RIMS2: variants seen among roughly 807,000 people sequenced by gnomAD.
RIMS2 encodes regulating synaptic membrane exocytosis 2, also known as regulating synaptic membrane exocytosis protein 2.
A neutral mutation model predicts 174.4 loss-of-function variants in RIMS2; 59 were observed. That is an observed-to-expected ratio of 0.34 (90% CI 0.27 to 0.42). The LOEUF (loss-of-function observed/expected upper bound fraction) is 0.42, where lower values mean the gene tolerates loss of function less well. Ranked by LOEUF, RIMS2 falls within the 10% of genes least tolerant of loss-of-function variation. The pLI, the probability that RIMS2 is intolerant of heterozygous loss-of-function variation, is 1.00. For synonymous variants in RIMS2, 606 were observed against 572.5 expected (o/e 1.06, Z -0.84); for missense variants, 1,620 against 1,666.3 (o/e 0.97, Z 0.48).
At chr8:103,931,378 T>C in exon 12 of RIMS2, 6 of 1,597,592 alleles carry the variant, frequency 3.8e-6, no homozygotes, top group Non-Finnish European at 5.1e-6. Flanking sequence ...AAAATTTACT[T>C]TCTTCCAGAC....
chr8:103,915,631 T>C (rs2076504930), intron 7 of RIMS2, 37 bp downstream of exon 10: 1 of 1,093,218 alleles, frequency 9.1e-7, no homozygotes, highest in Non-Finnish European at 1.4e-6. Context: ...ATTTAAACCA[T>C]TCAACTTTAG....
chr8:103,813,450 C>T (rs969442789), intron 3 of RIMS2, among the ~76,000 whole-genome samples: 6 of 136,498 alleles, frequency 4.4e-5, no homozygotes, highest in African/African-American at 1.1e-4. Flanking sequence ...ATGTGCACAA[C>T]GTGCAGGTTT....
chr8:103,769,518 G>A (rs536163009), intron 3 of RIMS2, among the ~76,000 whole-genome samples: 1 of 152,178 alleles, frequency 6.6e-6, no homozygotes, highest in Admixed American at 6.5e-5. Context: ...TAGAGACAGG[G>A]TCTCACCATG....
intron 2 of RIMS2, among the ~76,000 whole-genome samples, chr8:103,764,980 A>G (rs973854276): frequency 2.6e-5 from 4 of 152,170 alleles, no homozygotes; most frequent in African/African-American, 9.7e-5. Flanking sequence ...GATCTGTACA[A>G]ACTATGAAAT....
At chr8:103,998,017 A>G (rs1170151616) in intron 17 of RIMS2, among the ~76,000 whole-genome samples, 1 of 151,682 alleles carries the variant, frequency 6.6e-6, no homozygotes, top group East Asian at 1.9e-4. Context: ...GCACTGTCAT[A>G]TTACAGTGAA....
chr8:103,585,534 A>G (rs2133049201), intron 1 of RIMS2, among the ~76,000 whole-genome samples: 1 of 152,336 alleles, frequency 6.6e-6, no homozygotes. Context: ...CATATATACC[A>G]TAGAATACTA....
chr8:103,673,620 TGTCTTGAGGTGGCAC>T (rs2096773241), intron 1 of RIMS2, among the ~76,000 whole-genome samples: 1 of 152,192 alleles, frequency 6.6e-6, no homozygotes, highest in Non-Finnish European at 1.5e-5. Flanking sequence ...CCAGGTGCCA[TGTCTTGAGGTGGCAC>T]AGGGTAGTGG....
chr8:103,853,029 A>T (rs748194579), intron 3 of RIMS2, among the ~76,000 whole-genome samples: 1 of 152,132 alleles, frequency 6.6e-6, no homozygotes. Flanking sequence ...CCAACAGTGT[A>T]TAAGTGTTCC....
At chr8:103,952,508 C>G (rs1213850983) in intron 14 of RIMS2, among the ~76,000 whole-genome samples, 6 of 152,134 alleles carry the variant, frequency 3.9e-5, no homozygotes, top group Admixed American at 6.5e-5. Context: ...AGCAGACCTG[C>G]AGCAGAGGAG....
intron 16 of RIMS2, among the ~76,000 whole-genome samples, chr8:103,982,618 T>A (rs944110157): frequency 6.6e-6 from 1 of 152,242 alleles, no homozygotes; most frequent in Admixed American, 6.5e-5. Flanking sequence ...ATTAATGTGA[T>A]ATATCATATC....
intron 19 of RIMS2, among the ~76,000 whole-genome samples, chr8:104,203,833 T>TA (rs2099067255): frequency 6.6e-6 from 1 of 152,170 alleles, no homozygotes. Flanking sequence ...TTACACTAAA[T>TA]AAAACAATTG....
chr8:103,708,232 A>G (rs1218798790), intron 2 of RIMS2, among the ~76,000 whole-genome samples: 1 of 152,198 alleles, frequency 6.6e-6, no homozygotes, highest in Admixed American at 6.5e-5. Flanking sequence ...CCTGTGGTGA[A>G]GTGGACCGGG....
At chr8:103,763,297 G>T (rs775188519) in intron 2 of RIMS2, among the ~76,000 whole-genome samples, 1 of 152,044 alleles carries the variant, frequency 6.6e-6, no homozygotes, top group African/African-American at 2.4e-5. Flanking sequence ...ATTAGCTGGC[G>T]TGGTGGCACA....
chr8:104,164,312 C>A (rs1014164327), intron 19 of RIMS2, among the ~76,000 whole-genome samples: 1 of 152,054 alleles, frequency 6.6e-6, no homozygotes, highest in African/African-American at 2.4e-5. Flanking sequence ...TGATAAAGTT[C>A]TGCTTCAACA....
At position 104,187,599 on chromosome 8, in the gene RIMS2, C is replaced by T. The variant is rs149630874; in HGVS notation, c.3335-57317C>T. ...ACTAAATCTCTTCCAACATTAAAAG[C>T]AACACACTTGTATTTCTTAAAGTTG... On this transcript the variant is annotated intron_variant, in intron 19 of 23. Transcript: ENST00000504942. Among the ~76,000 whole-genome samples, 531 of 151,840 alleles carry T rather than the reference C, an allele frequency of 3.5e-3. 3 individuals carry two copies. Among genetic ancestry groups the T allele is most frequent in the African/African-American group, 0.012 (508 of 41,494 alleles).
intron 16 of RIMS2, 172 bp downstream of exon 18, chr8:103,975,678 G>A (rs2093352451): frequency 7.7e-6 from 4 of 518,528 alleles, no homozygotes; most frequent in Non-Finnish European, 1.4e-5. Context: ...CTGGGGAAGG[G>A]AGAAGCCAGT....
intron 3 of RIMS2, among the ~76,000 whole-genome samples, chr8:103,844,512 C>T (rs1200816194): frequency 6.6e-6 from 1 of 152,068 alleles, no homozygotes; most frequent in Non-Finnish European, 1.5e-5. Context: ...TGTATTTAGT[C>T]TTAGTTTTCA....
rs371347411 is a variant in RIMS2, at chr8:104,056,288, C to T, written c.3334+41673C>T. On this transcript the variant is annotated intron_variant, in intron 19 of 23. Transcript: ENST00000504942. ...GCATGGTGGCTCGTGTCTGTAGTCC[C>T]ACTTACTCAGGAGGCTGAGGCAGGA... Among the ~76,000 whole-genome samples, 4 of 151,834 alleles carry T rather than the reference C, an allele frequency of 2.6e-5. No homozygotes were observed. The East Asian group carries it at 5.8e-4, about 22-fold the overall frequency.
At chr8:104,219,699 T>C (rs1405141529) in intron 19 of RIMS2, among the ~76,000 whole-genome samples, 3 of 152,174 alleles carry the variant, frequency 2.0e-5, no homozygotes, top group Non-Finnish European at 4.4e-5. Flanking sequence ...TGTGACTCAC[T>C]TTTTCTCTAT....
Sources: gnomAD v4.1 joint callset for allele counts (sites outside exome capture counted in the v4.1 genomes callset) on GRCh38, gnomAD v4.1.1 for gene constraint, MANE v1.5 for transcripts, NCBI Gene and HGNC (gene_info 2026-07-23, HGNC 2026-07-21) for gene names.